The following LAMC2 variants were observed in gnomAD, a reference collection of about 807,000 sequenced individuals.
The protein encoded by LAMC2 is laminin subunit gamma 2.
In LAMC2, 97 loss-of-function variants were observed where a neutral mutation model predicts 140.2. The ratio of observed to expected loss-of-function variants is 0.69; its 90% CI spans 0.59 to 0.82. The LOEUF (loss-of-function observed/expected upper bound fraction) is 0.82, where lower values mean the gene tolerates loss of function less well. Among genes scored for constraint, LAMC2 ranks in the 40% least tolerant of loss-of-function variants. The pLI is 0.00. For synonymous variants in LAMC2, 513 were observed against 540.2 expected (o/e 0.95, Z 0.70); for missense variants, 1,402 against 1,476.1 (o/e 0.95, Z 0.82).
the LAMC2 span, chr1:183,252,716 A>G: frequency 6.2e-7 from 1 of 1,614,074 alleles, no homozygotes; most frequent in Non-Finnish European, 8.5e-7. Context: ...AATCCACAAC[A>G]TGGCCGTCCC....
At position 183,210,323 on chromosome 1, in the gene LAMC2, G is replaced by A. The variant is rs143556126; in HGVS notation, c.268+2254G>A. Among the ~76,000 whole-genome samples the A allele has an allele frequency of 8.5e-4, 130 of 152,296 alleles. 1 individual carries two copies. The highest frequency in any genetic ancestry group is 2.9e-3 in the African/African-American group (121 of 41,568). On this transcript the variant is annotated intron_variant, in intron 2 of 22. Transcript: ENST00000264144. ...CTCTGGGCAGGTTCCTTAACCTCTT[G>A]CTGCTCCAGCATCCCCATCTGTTAA...
chr1:183,189,399 G>A (rs147988455), intron 1 of LAMC2, among the ~76,000 whole-genome samples: 68 of 152,252 alleles, frequency 4.5e-4, no homozygotes, highest in African/African-American at 1.6e-3. Context: ...AGACCAGCCT[G>A]GGCAACATGG....
intron 22 of LAMC2, 187 bp downstream of exon 22, chr1:183,240,578 C>G: frequency 1.3e-5 from 19 of 1,439,428 alleles, no homozygotes; most frequent in Non-Finnish European, 1.7e-5. Context: ...CCCTGTTTTA[C>G]CGTTGCTAAG....
chr1:183,258,407 A>T, the LAMC2 span, among the ~76,000 whole-genome samples: 1 of 152,192 alleles, frequency 6.6e-6, no homozygotes, highest in Admixed American at 6.5e-5. Context: ...GCAGTGAAAG[A>T]GATCTAACTT....
At position 183,232,706 on chromosome 1, in the gene LAMC2, G is replaced by A. The variant is rs1332249330; in HGVS notation, c.2069G>A (p.Ser690Asn). 4 of 1,613,726 alleles carry A rather than the reference G, an allele frequency of 2.5e-6. No homozygotes were observed. In the South Asian group the frequency reaches 3.3e-5, roughly 13 times the overall value. The change falls in exon 14 of 23, where the codon AGC becomes AAC. Residue 690 changes from serine (S) to asparagine (N), a missense_variant. By Grantham distance (46) the Ser-to-Asn change is conservative (BLOSUM62 1). Coordinates refer to ENST00000264144, the MANE Select transcript of LAMC2 (RefSeq NM_005562.3). ...GCCAAGGTGAGGAGCCAAGAGAACA[G>A]CTACCAGAGCCGCCTGGATGACCTC... ...QLAKVRSQEN[S>N]YQSRLDDLKM...
intron 2 of LAMC2, among the ~76,000 whole-genome samples, chr1:183,209,375 T>C (rs527670727): frequency 2.6e-5 from 4 of 152,304 alleles, no homozygotes; most frequent in African/African-American, 7.2e-5. Context: ...GAGTTGCTGG[T>C]AGAGTGGTTT....
rs370904993 is a variant in LAMC2 at position 183,208,022 on chromosome 1, G to A, written c.221G>A (p.Arg74Gln). Residue 74 changes from arginine (R) to glutamine (Q), a missense_variant, in exon 2 of 23, where the codon CGG becomes CAG. By Grantham distance (43) the Arg-to-Gln change is conservative. Around this residue, in one of 3 missense-constraint regions of LAMC2, gnomAD observed 723 missense variants for 783.3 expected, o/e 0.92. Coordinates refer to ENST00000264144, the MANE Select transcript of LAMC2 (RefSeq NM_005562.3). The stretch of plus-strand genomic sequence containing the variant: ...GAGAAGTGCAAGAATGGCTTTTACC[G>A]GCACAGAGAAAGGGACCGCTGTTTG... Reference protein sequence around the residue: ...HCEKCKNGFYRHRERDRCLPC... With the variant: ...HCEKCKNGFYQHRERDRCLPC... 3 of 1,614,064 alleles carry A rather than the reference G, an allele frequency of 1.9e-6. No homozygotes were observed. The African/African-American group carries it at 4.0e-5, about 22-fold the overall frequency.
intron 1 of LAMC2, among the ~76,000 whole-genome samples, chr1:183,197,309 T>C (rs1658548784): frequency 6.6e-6 from 1 of 152,244 alleles, no homozygotes; most frequent in South Asian, 2.1e-4. Context: ...GCTTTCCGAC[T>C]TGAAGGCATG....
chr1:183,200,878 A>G (rs1002710890), intron 1 of LAMC2, among the ~76,000 whole-genome samples: 5 of 152,192 alleles, frequency 3.3e-5, no homozygotes, highest in Non-Finnish European at 5.9e-5. Flanking sequence ...GTGTGCTATT[A>G]TAGTTATTAT....
In LAMC2 at chr1:183,214,032, C is replaced by G. The variant is rs151266404; in HGVS notation, c.269-1421C>G. Among the ~76,000 whole-genome samples the G allele has an allele frequency of 3.2e-4, 43 of 135,584 alleles. No individual in the cohort carries two copies. The East Asian group carries it at 6.2e-3, about 20-fold the overall frequency. 88.9% of individuals were successfully genotyped at this position (135,584 alleles called of 152,430 possible). ...GACCTAGGCAACAGGAGCAAAACTT[C>G]GTCTCAAAAAAAAAAAAAAATACAG... On this transcript the variant is annotated intron_variant, in intron 2 of 22. Transcript: ENST00000264144.
intron 3 of LAMC2, among the ~76,000 whole-genome samples, chr1:183,217,266 G>A (rs905478362): frequency 6.6e-6 from 1 of 152,138 alleles, no homozygotes; most frequent in African/African-American, 2.4e-5. Context: ...CGTGCAAAGT[G>A]GGTGACAGAA....
In LAMC2 at chr1:183,226,659, G is replaced by T. The variant is rs1436689444; in HGVS notation, c.1067-39G>T. The T allele has an allele frequency of 3.3e-6, 5 of 1,533,058 alleles. No homozygotes were observed. The South Asian group carries it at 3.4e-5, about 10-fold the overall frequency. 95.0% of individuals were successfully genotyped at this position (1,533,058 alleles called of 1,614,324 possible). ...AGATCTGACTTGAGATCTTTAGACT[G>T]TACCACTTGCAACTTCTAACCTGTT... On this transcript the variant is annotated intron_variant, in intron 8 of 22. Transcript: ENST00000264144.
At chr1:183,240,249 GAA>G in intron 21 of LAMC2, 41 bp from the exon 22 acceptor site, 1 of 1,614,198 alleles carries the variant, frequency 6.2e-7, no homozygotes. Flanking sequence ...TGCCAAAATG[GAA>G]AATACCTTTT....
At chr1:183,256,810 C>T in the LAMC2 span, among the ~76,000 whole-genome samples, 84 of 152,208 alleles carry the variant, frequency 5.5e-4, 1 homozygote, top group East Asian at 0.014. Flanking sequence ...AGTGCAGCAG[C>T]GCATGATCTC....
chr1:183,206,642 A>T (rs900342154), intron 1 of LAMC2, among the ~76,000 whole-genome samples: 1 of 123,044 alleles, frequency 8.1e-6, no homozygotes, highest in Non-Finnish European at 1.7e-5. Flanking sequence ...ACAGAGCAAG[A>T]CTTGGTCTCA....
the LAMC2 span, among the ~76,000 whole-genome samples, chr1:183,256,655 A>C: frequency 1.4e-4 from 22 of 152,324 alleles, no homozygotes; most frequent in Admixed American, 3.9e-4. Flanking sequence ...ATCCTACTTG[A>C]TCATCATGTA....
Position 183,235,677 on chromosome 1 carries a change from C to T in LAMC2, c.2403C>T (p.Val801=), listed in dbSNP as rs773995121. The part of the protein sequence containing the change: ...SLVRKALHEG[V]GSGSGSPDGA... ...TGCGCAAGGCCCTGCATGAAGGAGT[C>T]GGAAGCGGAAGCGGTAGCCCGGACG... Residue 801 remains valine (V), a synonymous_variant, in exon 16 of 23, where the codon GTC becomes GTT. Coordinates refer to ENST00000264144, the MANE Select transcript of LAMC2 (RefSeq NM_005562.3). The T allele has an allele frequency of 2.5e-6, 4 of 1,614,182 alleles. No individual in the cohort carries two copies. Among genetic ancestry groups the T allele is most frequent in the Non-Finnish European group, 3.4e-6 (4 of 1,180,038 alleles).
chr1:183,228,250 TG>T lies in LAMC2; in HGVS notation c.1469-120del. ...ATGCCTGCTCCTGAGGGCTTTGTTC[TG>T]GGGTCCCTAGGGAAGCACATTTCTC... is the stretch of plus-strand genomic sequence containing the variant. On this transcript the variant is annotated intron_variant, in intron 10 of 22. Coordinates refer to ENST00000264144, the MANE Select transcript of LAMC2 (RefSeq NM_005562.3). The surrounding 1 kb of genome is among the most constrained non-coding windows in gnomAD (Gnocchi z 4.3). 2.3e-6 allele frequency: 3 copies of T among 1,307,570 alleles called. No homozygotes were observed. Among genetic ancestry groups the T allele is most frequent in the African/African-American group, 1.4e-5 (1 of 69,024 alleles). 81.0% of individuals were successfully genotyped at this position (1,307,570 alleles called of 1,614,324 possible). A position where few individuals can be genotyped will look rare whatever the true frequency, so the allele number is the denominator to read the frequency against.
chr1:183,210,820 G>A (rs1032987886), intron 2 of LAMC2, among the ~76,000 whole-genome samples: 1 of 152,216 alleles, frequency 6.6e-6, no homozygotes, highest in African/African-American at 2.4e-5. Context: ...GGTCCAAACT[G>A]CAGAGGCTGA....
Sources: gnomAD v4.1 joint callset for allele counts (sites outside exome capture counted in the v4.1 genomes callset) on GRCh38, gnomAD v4.1.1 for gene constraint, gnomAD v4.1.1 regional missense constraint, Gnocchi (gnomAD v3.1) non-coding constraint, MANE v1.5 for transcripts, NCBI Gene and HGNC (gene_info 2026-07-23, HGNC 2026-07-21) for gene names.